WWP1: variants seen among roughly 807,000 people sequenced by gnomAD.
WWP1 encodes NEDD4-like E3 ubiquitin-protein ligase WWP1.
Under a neutral mutation model 130.6 loss-of-function variants are expected in WWP1, and 49 were observed. The ratio of observed to expected loss-of-function variants is 0.38; its 90% CI spans 0.30 to 0.48. WWP1 has a LOEUF of 0.48. Among genes scored for constraint, WWP1 ranks in the 20% least tolerant of loss-of-function variants. The probability of loss-of-function intolerance (pLI) is 0.99; values close to 1 mark genes in which losing one functional copy is unlikely to be tolerated. For missense variants in WWP1, 809 were observed against 1,100.6 expected, an observed-to-expected ratio of 0.74 and a Z score of 3.75; for synonymous variants, 332 against 367.8, an observed-to-expected ratio of 0.90 and a Z score of 1.11.
intron 14 of WWP1, among the ~76,000 whole-genome samples, 157 bp from the exon 15 acceptor site, chr8:86,435,295 G>A (rs528401872): frequency 6.6e-6 from 1 of 152,200 alleles, no homozygotes; most frequent in East Asian, 1.9e-4. Context: ...CCCATTACTT[G>A]AGCTTCTTTT....
intron 20 of WWP1, among the ~76,000 whole-genome samples, chr8:86,451,214 TAAAAAAAAAAAAAAAAAAA>T (rs61141803): frequency 1.5e-3 from 67 of 43,680 alleles, no homozygotes; most frequent in Middle Eastern, 0.019. Flanking sequence ...CCTATGTTAT[TAAAAAAAAAAAAAAAAAAA>T]AAAAAAAAAA....
chr8:86,359,442 T>G (rs1474957721), intron 1 of WWP1, among the ~76,000 whole-genome samples: 1 of 152,142 alleles, frequency 6.6e-6, no homozygotes, highest in African/African-American at 2.4e-5. Flanking sequence ...ATTCCTTACC[T>G]TAGTCACATA....
At chr8:86,463,351 G>C (rs990684644) in intron 24 of WWP1, among the ~76,000 whole-genome samples, 2 of 152,058 alleles carry the variant, frequency 1.3e-5, no homozygotes, top group African/African-American at 4.8e-5. Context: ...CTGTCACCCA[G>C]TCTGGAGTGC....
Position 86,455,288 on chromosome 8 carries a change from C to G in WWP1, c.2394+2609C>G, listed in dbSNP as rs115441738. On this transcript the variant is annotated intron_variant, in intron 21 of 24. Transcript: ENST00000517970. Reference sequence around the variant, plus strand: ...TGGGAAAAAGGCAAAGATGTCTACTCTTACCACTTCTATTCAATATTTTAC... The same window carrying G: ...TGGGAAAAAGGCAAAGATGTCTACTGTTACCACTTCTATTCAATATTTTAC... Among the ~76,000 whole-genome samples the G allele has an allele frequency of 5.8e-3, 885 of 152,084 alleles. 8 individuals are homozygous for G. Among genetic ancestry groups the G allele is most frequent in the African/African-American group, 0.02 (846 of 41,554 alleles).
chr8:86,409,886 A>C (rs1808494601), intron 8 of WWP1, among the ~76,000 whole-genome samples: 1 of 152,130 alleles, frequency 6.6e-6, no homozygotes, highest in African/African-American at 2.4e-5. Context: ...AAAATGTTTT[A>C]CAATTATTGT....
intron 18 of WWP1, 45 bp downstream of exon 18, chr8:86,442,823 T>C (rs1586473871): frequency 6.6e-7 from 1 of 1,503,924 alleles, no homozygotes; most frequent in South Asian, 1.3e-5. Context: ...TTGTTACAAA[T>C]GTATTAGAGA....
intron 16 of WWP1, 37 bp downstream of exon 16, chr8:86,435,741 C>T: frequency 6.3e-7 from 1 of 1,594,268 alleles, no homozygotes; most frequent in African/African-American, 1.3e-5. Context: ...CACCATTTGT[C>T]TCATTGTATT....
Position 86,423,928 on chromosome 8 carries a change from G to A in WWP1, c.1062-1295G>A, listed in dbSNP as rs1202793869. Among the ~76,000 whole-genome samples the A allele has an allele frequency of 9.7e-5, 11 of 113,872 alleles. No homozygotes were observed. In the South Asian group the frequency reaches 1.6e-3, roughly 16 times the overall value. The allele number at this position is 113,872 out of a possible 152,430, so 74.7% of individuals were successfully genotyped here. On this transcript the variant is annotated intron_variant, in intron 9 of 24. Transcript: ENST00000517970. ...CCCCCACCTCCCTCCCAGATGGGGC[G>A]GCTGGCCGGGCGGGGGCTGCCCCCA...
intron 17 of WWP1, among the ~76,000 whole-genome samples, chr8:86,439,838 C>T (rs1207736305): frequency 6.6e-6 from 1 of 152,128 alleles, no homozygotes; most frequent in South Asian, 2.1e-4. Context: ...TTCAAACTTG[C>T]TTTTCATAGA....
chr8:86,442,908 T>G (rs970182651), intron 18 of WWP1, 130 bp downstream of exon 18: 1 of 924,612 alleles, frequency 1.1e-6, no homozygotes, highest in Non-Finnish European at 1.5e-6. Flanking sequence ...AAAGTTTCCC[T>G]GGAGAGTGTA....
chr8:86,432,662 C>T (rs1810053070), intron 14 of WWP1, among the ~76,000 whole-genome samples: 1 of 151,428 alleles, frequency 6.6e-6, no homozygotes, highest in African/African-American at 2.4e-5. Context: ...GGCTGGAGTG[C>T]AATGATGCGA....
chr8:86,375,344 C>T (rs1224566614), intron 3 of WWP1, among the ~76,000 whole-genome samples: 1 of 151,918 alleles, frequency 6.6e-6, no homozygotes, highest in East Asian at 1.9e-4. Context: ...AAGACATTTA[C>T]ATAGTCCCAG....
At chr8:86,465,268 A>G (rs1429133317) in intron 24 of WWP1, among the ~76,000 whole-genome samples, 1 of 152,204 alleles carries the variant, frequency 6.6e-6, no homozygotes, top group Non-Finnish European at 1.5e-5. Context: ...CGAAAGCAGC[A>G]AAAGTTTTTG....
intron 2 of WWP1, among the ~76,000 whole-genome samples, chr8:86,373,416 C>A (rs887377014): frequency 6.6e-6 from 1 of 152,016 alleles, no homozygotes; most frequent in African/African-American, 2.4e-5. Context: ...GTGTTGAAAT[C>A]ACCCACAACA....
intron 8 of WWP1, among the ~76,000 whole-genome samples, chr8:86,406,137 G>T (rs1343441770): frequency 6.6e-6 from 1 of 152,154 alleles, no homozygotes; most frequent in Non-Finnish European, 1.5e-5. Context: ...AGGTAACGTG[G>T]TGTCTCAGCT....
rs1808026363 is a variant in WWP1, at chr8:86,402,177, T to G, written c.698T>G (p.Leu233Arg). 1 of 1,613,688 alleles carries G rather than the reference T, an allele frequency of 6.2e-7. No homozygotes were observed. Among genetic ancestry groups the G allele is most frequent in the South Asian group, 1.1e-5 (1 of 91,020 alleles). ...RPKNTPAPKP[L>R]ASEPADDTVN... ...AAAAATACACCAGCTCCAAAACCAC[T>G]CGCATCTGAGCCTGCCGATGACACT... Residue 233 changes from leucine (L) to arginine (R), a missense_variant, in exon 8 of 25, where the codon CTC (leucine) becomes CGC (arginine). This residue lies in a region of WWP1 where 262 missense variants were observed against 346.0 expected (regional missense o/e 0.76). Transcript: ENST00000517970.
chr8:86,366,882 A>T (rs1301440729), intron 1 of WWP1, among the ~76,000 whole-genome samples: 3 of 152,190 alleles, frequency 2.0e-5, no homozygotes, highest in African/African-American at 7.2e-5. Context: ...AAGTAATATT[A>T]CTATATTCGT....
At chr8:86,423,461 C>T (rs1809348406) in intron 9 of WWP1, among the ~76,000 whole-genome samples, 2 of 152,086 alleles carry the variant, frequency 1.3e-5, no homozygotes, top group African/African-American at 4.8e-5. Flanking sequence ...ATCTGTTTAA[C>T]AAAGCACATC....
intron 1 of WWP1, among the ~76,000 whole-genome samples, chr8:86,343,526 A>G (rs963895966): frequency 1.4e-5 from 2 of 144,582 alleles, no homozygotes; most frequent in African/African-American, 5.2e-5. Flanking sequence ...TGTGACTTAC[A>G]GACTCTCCTT....
Sources: gnomAD v4.1 joint callset for allele counts (sites outside exome capture counted in the v4.1 genomes callset) on GRCh38, gnomAD v4.1.1 for gene constraint, gnomAD v4.1.1 regional missense constraint, MANE v1.5 for transcripts, NCBI Gene and HGNC (gene_info 2026-07-23, HGNC 2026-07-21) for gene names.